The following CAD variants were observed in gnomAD, a reference collection of about 807,000 sequenced individuals.
The protein encoded by CAD is multifunctional protein CAD.
CAD carries 81 observed loss-of-function variants against 237.2 expected under a neutral mutation model. That is an observed-to-expected ratio of 0.34 (90% CI 0.29 to 0.41). The LOEUF (loss-of-function observed/expected upper bound fraction) is 0.41. CAD is among the 10% of genes least tolerant of loss of function. The pLI is 1.00. For synonymous variants in CAD, 1,196 were observed against 1,162.8 expected (o/e 1.03, Z -0.58); for missense variants, 2,181 against 2,951.7 (o/e 0.74, Z 6.05).
chr2:27,239,638 C>T lies in CAD; in HGVS notation c.5395-59C>T. ...TGCTTTTTGTCCTTGCTGACATCTA[C>T]CCCTTTAGGACCTGAGTTCTCTCTG... On this transcript the variant is annotated intron_variant, in intron 33 of 43. Coordinates refer to ENST00000264705, the MANE Select transcript of CAD (RefSeq NM_004341.5). This position sits in a 1 kb window ranked among gnomAD's most constrained non-coding sequence, Gnocchi z 4.0. The T allele has an allele frequency of 6.7e-7, 1 of 1,494,312 alleles. No homozygotes were observed. The highest frequency in any genetic ancestry group is 9.1e-7 in the Non-Finnish European group (1 of 1,093,318). 92.6% of individuals were successfully genotyped at this position (1,494,312 alleles called of 1,614,324 possible).
At chr2:27,234,468 T>C (rs771353784) in intron 22 of CAD, 50 bp from the exon 23 acceptor site, 10 of 1,571,746 alleles carry the variant, frequency 6.4e-6, no homozygotes, top group African/African-American at 1.3e-5. Context: ...CTATAGATAG[T>C]GTCAGCAAGG....
At position 27,239,578 on chromosome 2, in the gene CAD, C is replaced by A; in HGVS notation, c.5394+107C>A. On this transcript the variant is annotated intron_variant, in intron 33 of 43. Coordinates refer to ENST00000264705, the MANE Select transcript of CAD (RefSeq NM_004341.5). This position sits in a 1 kb window ranked among gnomAD's most constrained non-coding sequence, Gnocchi z 4.0. ...CTGTCCCACTATGTGCACCACTGCCCTGGACCAGGGGTTGGGGGCACAGCT... is the reference window on the plus strand; with the variant it reads ...CTGTCCCACTATGTGCACCACTGCCATGGACCAGGGGTTGGGGGCACAGCT... 2 of 1,527,706 alleles carry A rather than the reference C, an allele frequency of 1.3e-6. No individual in the cohort carries two copies. The highest frequency in any genetic ancestry group is 2.4e-5 in the South Asian group (2 of 83,888). The allele number at this position is 1,527,706 out of a possible 1,614,324, so 94.6% of individuals were successfully genotyped here.
In CAD at chr2:27,241,917, G is replaced by C; in HGVS notation, c.5890G>C (p.Val1964Leu). ...CATCTTGCTCTTTCCCTAGGGGAAG[G>C]TCATGGCCTCCATGTTCTATGAAGT... ...ERSLDILKGKVMASMFYEVST... is the reference protein window; with the variant it reads ...ERSLDILKGKLMASMFYEVST... The change falls in exon 39 of 44, where the codon GTC becomes CTC. Residue 1964 changes from valine (V) to leucine (L), a missense_variant. Val to Leu is a conservative substitution (Grantham distance 32, BLOSUM62 1). Around this residue, in one of 12 missense-constraint regions of CAD, gnomAD observed 203 missense variants for 284.5 expected, o/e 0.71. Coordinates refer to ENST00000264705, the MANE Select transcript of CAD (RefSeq NM_004341.5). This position sits in a 1 kb window ranked among gnomAD's most constrained non-coding sequence, Gnocchi z 4.6. The C allele has an allele frequency of 6.2e-7, 1 of 1,612,670 alleles. No individual in the cohort carries two copies. Among genetic ancestry groups the C allele is most frequent in the Non-Finnish European group, 8.5e-7 (1 of 1,179,196 alleles).
chr2:27,223,569 G>A lies in CAD; in HGVS notation c.816G>A (p.Gly272=). The A allele has an allele frequency of 6.2e-7, 1 of 1,612,528 alleles. No homozygotes were observed. ...IGAKTYKMRY[G]NRGHNQPCLL... ...GGCATGCTTCTACCTCCAGATATGG[G>A]AACCGAGGCCATAACCAGCCCTGCT... The change falls in exon 7 of 44, where the codon GGG becomes GGA. Residue 272 remains glycine (G), a synonymous_variant. Coordinates refer to ENST00000264705, the MANE Select transcript of CAD (RefSeq NM_004341.5).
In CAD at chr2:27,242,020, C is replaced by T; in HGVS notation, c.5993C>T (p.Thr1998Ile). The T allele has an allele frequency of 6.2e-7, 1 of 1,613,450 alleles. No homozygotes were observed. The highest frequency in any genetic ancestry group is 8.5e-7 in the Non-Finnish European group (1 of 1,180,036). Reference sequence around the variant, plus strand: ...GCTGTGCTCAGCTTCTCGGAAGCCACATCGTCCGTCCAGAAGGGCGAATCC... The same window carrying T: ...GCTGTGCTCAGCTTCTCGGAAGCCATATCGTCCGTCCAGAAGGGCGAATCC... ...GGAVLSFSEA[T>I]SSVQKGESLA... The change falls in exon 39 of 44, where the codon ACA (threonine) becomes ATA (isoleucine). Residue 1998 changes from threonine to isoleucine, a missense_variant. Physicochemically the swap from Thr to Ile is moderately conservative, Grantham distance 89. This residue lies in a region of CAD where 203 missense variants were observed against 284.5 expected (regional missense o/e 0.71). Transcript: ENST00000264705. This position sits in a 1 kb window ranked among gnomAD's most constrained non-coding sequence, Gnocchi z 6.4.
chr2:27,218,305 G>A (rs1172522673), intron 2 of CAD, among the ~76,000 whole-genome samples: 1 of 152,184 alleles, frequency 6.6e-6, no homozygotes, highest in Non-Finnish European at 1.5e-5. Flanking sequence ...ATGGATCAAG[G>A]AAAAGTAAAA....
intron 16 of CAD, 137 bp from the exon 17 acceptor site, chr2:27,231,843 G>A: frequency 1.0e-6 from 1 of 964,646 alleles, no homozygotes; most frequent in Non-Finnish European, 1.6e-6. Context: ...ACCCAGGATT[G>A]GTATCCAGGT....
chr2:27,237,842 T>C lies in CAD; in HGVS notation c.4688T>C (p.Phe1563Ser). 1 of 1,613,504 alleles carries C rather than the reference T, an allele frequency of 6.2e-7. No homozygotes were observed. Among genetic ancestry groups the C allele is most frequent in the Non-Finnish European group, 8.5e-7 (1 of 1,179,662 alleles). ...CTGAAGCTTTACCTCAATGAGACCT[T>C]CTCTGAGCTGCGGCTGGACAGCGTG... ...AGLKLYLNET[F>S]SELRLDSVVQ... The change falls in exon 29 of 44, where the codon TTC (phenylalanine) becomes TCC (serine). Residue 1563 changes from phenylalanine (F) to serine (S), a missense_variant. By Grantham distance (155) the Phe-to-Ser change is radical (BLOSUM62 -2). Transcript: ENST00000264705. This position sits in a 1 kb window ranked among gnomAD's most constrained non-coding sequence, Gnocchi z 4.0.
rs776800503 is a variant in CAD at position 27,240,611 on chromosome 2, G to A, written c.5593+250G>A. On this transcript the variant is annotated intron_variant, in intron 35 of 43. Coordinates refer to ENST00000264705, the MANE Select transcript of CAD (RefSeq NM_004341.5). The surrounding 1 kb of genome is among the most constrained non-coding windows in gnomAD (Gnocchi z 4.6). Reference sequence around the variant, plus strand: ...AGCTGGGATCCCACGGGGCAGCAGAGCGTGGGGTAAATCCAGGTTGTTGGT... The same window carrying A: ...AGCTGGGATCCCACGGGGCAGCAGAACGTGGGGTAAATCCAGGTTGTTGGT... The A allele has an allele frequency of 2.1e-5, 33 of 1,544,074 alleles. No individual in the cohort carries two copies. The highest frequency in any genetic ancestry group is 3.9e-5 in the Admixed American group (2 of 50,760).
Position 27,242,657 on chromosome 2 carries a change from T to C in CAD, c.6260T>C (p.Val2087Ala). Residue 2087 changes from valine (V) to alanine (A), a missense_variant, in exon 41 of 44, where the codon GTA (valine) becomes GCA (alanine). Around this residue, in one of 12 missense-constraint regions of CAD, gnomAD observed 170 missense variants for 212.1 expected, o/e 0.80. Transcript: ENST00000264705. The surrounding 1 kb of genome is among the most constrained non-coding windows in gnomAD (Gnocchi z 6.4). ...GGTGACCTGAAGCACGGACGCACAG[T>C]ACATTCCCTGGCCTGCCTGCTCACC... Reference protein sequence around the residue: ...MVGDLKHGRTVHSLACLLTQY... With the variant: ...MVGDLKHGRTAHSLACLLTQY... 6.2e-7 allele frequency: 1 copy of C among 1,612,772 alleles called. No individual in the cohort carries two copies. The highest frequency in any genetic ancestry group is 8.5e-7 in the Non-Finnish European group (1 of 1,179,112).
rs1295408535 is a variant in CAD, at chr2:27,239,934, A to G, written c.5496+136A>G. On this transcript the variant is annotated intron_variant, in intron 34 of 43. Transcript: ENST00000264705. The surrounding 1 kb of genome is among the most constrained non-coding windows in gnomAD (Gnocchi z 4.0). ...CTGAATTTGAAGTGGGGTTGGGTCAATTATTTTTTTAAAATGCTGGGCCAG... is the reference window on the plus strand; with the variant it reads ...CTGAATTTGAAGTGGGGTTGGGTCAGTTATTTTTTTAAAATGCTGGGCCAG... The G allele has an allele frequency of 1.5e-6, 1 of 674,076 alleles. No homozygotes were observed. The highest frequency in any genetic ancestry group is 2.9e-5 in the East Asian group (1 of 34,572). The allele number at this position is 674,076 out of a possible 1,614,324, so 41.8% of individuals were successfully genotyped here. A position where few individuals can be genotyped will look rare whatever the true frequency, so the allele number is the denominator to read the frequency against.
In CAD at chr2:27,234,575, G is replaced by A. The variant is rs746219339; in HGVS notation, c.3676G>A (p.Val1226Ile). The A allele has an allele frequency of 1.5e-5, 25 of 1,613,934 alleles. No individual in the cohort carries two copies. The highest frequency in any genetic ancestry group is 1.3e-4 in the East Asian group (6 of 44,904). ...ACGTGTCTCTCGCTCCTTCCCCTTC[G>A]TTTCCAAGACACTGGGTGTGGACCT... is the stretch of plus-strand genomic sequence containing the variant. ...NVRVSRSFPF[V>I]SKTLGVDLVA... Residue 1226 changes from valine (V) to isoleucine (I), a missense_variant, in exon 23 of 44, where the codon GTT (valine) becomes ATT (isoleucine). By Grantham distance (29) the Val-to-Ile change is conservative. This residue lies in a region of CAD where 306 missense variants were observed against 607.9 expected (regional missense o/e 0.50). Coordinates refer to ENST00000264705, the MANE Select transcript of CAD (RefSeq NM_004341.5).
intron 15 of CAD, among the ~76,000 whole-genome samples, chr2:27,231,251 C>T (rs1675737564): frequency 6.6e-6 from 1 of 152,244 alleles, no homozygotes; most frequent in South Asian, 2.1e-4. Context: ...CGTGATCCTT[C>T]CGCCTCAGCC....
Position 27,238,072 on chromosome 2 carries a change from C to G in CAD, c.4745C>G (p.Pro1582Arg), listed in dbSNP as rs1420510067. 10 of 1,614,164 alleles carry G rather than the reference C, an allele frequency of 6.2e-6. No individual in the cohort carries two copies. In the East Asian group the frequency reaches 2.2e-4, roughly 36 times the overall value. Reference sequence around the variant, plus strand: ...TGCTCCCAGCATTTCGAGACATGGCCCTCCCACCTCCCCATTGTGGCTCAC... The same window carrying G: ...TGCTCCCAGCATTTCGAGACATGGCGCTCCCACCTCCCCATTGTGGCTCAC... ...VQWMEHFETW[P>R]SHLPIVAHAE... Residue 1582 changes from proline (P) to arginine (R), a missense_variant, in exon 30 of 44, where the codon CCC becomes CGC. This residue lies in a region of CAD where 478 missense variants were observed against 515.0 expected (regional missense o/e 0.93). Coordinates refer to ENST00000264705, the MANE Select transcript of CAD (RefSeq NM_004341.5).
rs1676186240 is a variant in CAD at position 27,239,414 on chromosome 2, G to A, written c.5337G>A (p.Val1779=). The A allele has an allele frequency of 1.2e-6, 2 of 1,614,150 alleles. No homozygotes were observed. Among genetic ancestry groups the A allele is most frequent in the Non-Finnish European group, 1.7e-6 (2 of 1,180,024 alleles). ...AHWTPFEGQK[V]KGTVRRVVLR... Reference sequence around the variant, plus strand: ...GGACACCTTTTGAAGGGCAGAAAGTGAAGGGCACCGTCCGCCGTGTGGTCC... The same window carrying A: ...GGACACCTTTTGAAGGGCAGAAAGTAAAGGGCACCGTCCGCCGTGTGGTCC... The change falls in exon 33 of 44, where the codon GTG becomes GTA. Residue 1779 remains valine, a synonymous_variant. Transcript: ENST00000264705. The surrounding 1 kb of genome is among the most constrained non-coding windows in gnomAD (Gnocchi z 4.0).
intron 15 of CAD, among the ~76,000 whole-genome samples, chr2:27,231,173 T>A (rs945126410): frequency 7.5e-4 from 114 of 152,242 alleles, no homozygotes; most frequent in Non-Finnish European, 1.5e-3. Flanking sequence ...TCCCGGCTAA[T>A]TTTTTTGTAT....
rs960477088 is a variant in CAD, at chr2:27,241,551, C to T, written c.5883+155C>T. Among the ~76,000 whole-genome samples the T allele has an allele frequency of 6.6e-6, 1 of 152,232 alleles. No individual in the cohort carries two copies. The highest frequency in any genetic ancestry group is 1.5e-5 in the Non-Finnish European group (1 of 68,036). The stretch of plus-strand genomic sequence containing the variant: ...CTCTGCTGCTGTAGATCTTCCCCCA[C>T]GTTTTCCCTCCCCAAAGCAGGATTT... On this transcript the variant is annotated intron_variant, in intron 38 of 43. Coordinates refer to ENST00000264705, the MANE Select transcript of CAD (RefSeq NM_004341.5). The surrounding 1 kb of genome is among the most constrained non-coding windows in gnomAD (Gnocchi z 4.6).
Position 27,232,134 on chromosome 2 carries a change from A to G in CAD, c.2555A>G (p.Gln852Arg). Residue 852 changes from glutamine (Q) to arginine (R), a missense_variant, in exon 17 of 44, where the codon CAA (glutamine) becomes CGA (arginine). This residue lies in a region of CAD where 385 missense variants were observed against 535.1 expected (regional missense o/e 0.72). Transcript: ENST00000264705. This position sits in a 1 kb window ranked among gnomAD's most constrained non-coding sequence, Gnocchi z 4.1. Reference sequence around the variant, plus strand: ...ATCGCACATGCCCAGCTGCTAGAACAACACCGTGGACAGCCTTTGCCGCCA... The same window carrying G: ...ATCGCACATGCCCAGCTGCTAGAACGACACCGTGGACAGCCTTTGCCGCCA... The part of the protein sequence containing the change: ...RIIAHAQLLE[Q>R]HRGQPLPPDL... 6.2e-6 allele frequency: 10 copies of G among 1,614,244 alleles called. No homozygotes were observed. Among genetic ancestry groups the G allele is most frequent in the Non-Finnish European group, 8.5e-6 (10 of 1,180,040 alleles).
intron 42 of CAD, 76 bp from the exon 43 acceptor site, chr2:27,243,122 C>A (rs552316319): frequency 1.4e-6 from 2 of 1,463,936 alleles, no homozygotes; most frequent in South Asian, 1.2e-5. Context: ...GAGGGGACCC[C>A]AGTGGAGCCC....
Sources: allele counts gnomAD v4.1 joint callset (sites outside exome capture counted in the v4.1 genomes callset), GRCh38; gene constraint gnomAD v4.1.1; regional missense constraint gnomAD v4.1.1; non-coding constraint Gnocchi (gnomAD v3.1); transcripts MANE v1.5; gene names NCBI Gene and HGNC (gene_info 2026-07-23, HGNC 2026-07-21).